The following MBOAT4 variants were observed in gnomAD, a reference collection of about 807,000 sequenced individuals.
MBOAT4 encodes membrane bound ghrelin O-acyltransferase MBOAT4, also known as membrane-bound ghrelin O-acyltransferase MBOAT4.
A neutral mutation model predicts 13.2 loss-of-function variants in MBOAT4; 11 were observed. The ratio of observed to expected loss-of-function variants is 0.84; its 90% CI spans 0.53 to 1.38. MBOAT4 has a LOEUF of 1.38. MBOAT4 is among the 40% of genes most tolerant of loss of function. The pLI, the probability that MBOAT4 is intolerant of heterozygous loss-of-function variation, is 0.00. For synonymous variants in MBOAT4, 202 were observed against 210.3 expected, an observed-to-expected ratio of 0.96 and a Z score of 0.34; for missense variants, 481 against 527.2, an observed-to-expected ratio of 0.91 and a Z score of 0.86.
chr8:30,137,406 C>T (rs890917356), intron 2 of MBOAT4: 35 of 1,551,584 alleles, frequency 2.3e-5, no homozygotes, highest in Non-Finnish European at 2.9e-5. Flanking sequence ...CCACTCAACC[C>T]GTGCTGAGGC....
At chr8:30,143,297 G>A (rs1376279787) in intron 1 of MBOAT4, among the ~76,000 whole-genome samples, 7 of 148,628 alleles carry the variant, frequency 4.7e-5, no homozygotes, top group African/African-American at 1.3e-4. Flanking sequence ...GCAGTGAGCC[G>A]AGATCGTGCC....
At chr8:30,136,177 A>G (rs1407228944) in intron 2 of MBOAT4, among the ~76,000 whole-genome samples, 1 of 152,196 alleles carries the variant, frequency 6.6e-6, no homozygotes, top group East Asian at 1.9e-4. Context: ...TAACCCCAGT[A>G]CCTCAGAATG....
intron 1 of MBOAT4, among the ~76,000 whole-genome samples, chr8:30,140,754 C>T (rs1316333117): frequency 6.6e-6 from 1 of 152,140 alleles, no homozygotes; most frequent in African/African-American, 2.4e-5. Context: ...CCAAAGTTGT[C>T]AGTTGATTAA....
chr8:30,142,146 A>C (rs900625778), intron 1 of MBOAT4, among the ~76,000 whole-genome samples: 1 of 152,244 alleles, frequency 6.6e-6, no homozygotes, highest in African/African-American at 2.4e-5. Context: ...TAGCGATTGC[A>C]TATTTCATTC....
rs1022811738 is a variant in MBOAT4, at chr8:30,138,650, A to C, written c.226T>G (p.Ser76Ala). 1 of 1,551,290 alleles carries C rather than the reference A, an allele frequency of 6.4e-7. No individual in the cohort carries two copies. Among genetic ancestry groups the C allele is most frequent in the African/African-American group, 1.4e-5 (1 of 73,038 alleles). ...CTGTGGACTTGCTGAGGAGCCAGGG[A>C]ACAGAGGAGAGCCACAGCGCAGACA... ...PAVCAVALLC[S>A]LAPQQVHRWT... The change falls in exon 2 of 3, where the codon TCC (serine) becomes GCC (alanine). Residue 76 changes from serine (S) to alanine (A), a missense_variant. Coordinates refer to ENST00000320542, the MANE Select transcript of MBOAT4 (RefSeq NM_001100916.2).
Position 30,132,708 on chromosome 8 carries a change from GCA to G in MBOAT4, c.541_542del (p.Cys181LeufsTer53). On this transcript the variant is annotated frameshift_variant, in exon 3 of 3. Transcript: ENST00000320542. LOFTEE classifies it low-confidence loss of function (END_TRUNC). ...CACGAGCCTGAAATCGCTGGAAGGA[GCA>G]CAGAGAGCCTCCCAGGAGAGCAGGG... ...FFPALLGGSL[C>X]SFQRFQARVQ... 1 of 1,551,770 alleles carries G rather than the reference GCA, an allele frequency of 6.4e-7. No individual in the cohort carries two copies. Among genetic ancestry groups the G allele is most frequent in the Non-Finnish European group, 8.7e-7 (1 of 1,147,024 alleles).
At chr8:30,133,926 C>T (rs1211996111) in intron 2 of MBOAT4, among the ~76,000 whole-genome samples, 1 of 151,802 alleles carries the variant, frequency 6.6e-6, no homozygotes, top group East Asian at 1.9e-4. Flanking sequence ...TGTCTGATAA[C>T]AAAAACTACC....
Position 30,132,714 on chromosome 8 carries a change from A to G in MBOAT4, c.537T>C (p.Ser179=), listed in dbSNP as rs149476365. Residue 179 remains serine (S), a synonymous_variant, in exon 3 of 3, where the codon TCT becomes TCC. Coordinates refer to ENST00000320542, the MANE Select transcript of MBOAT4 (RefSeq NM_001100916.2). ...CCTGAAATCGCTGGAAGGAGCACAG[A>G]GAGCCTCCCAGGAGAGCAGGGAAAA... The part of the protein sequence containing the change: ...LLFFPALLGG[S]LCSFQRFQAR... 20 of 1,551,646 alleles carry G rather than the reference A, an allele frequency of 1.3e-5. No homozygotes were observed. Among genetic ancestry groups the G allele is most frequent in the Non-Finnish European group, 1.7e-5 (20 of 1,147,014 alleles).
In MBOAT4 at chr8:30,138,515, A is replaced by G. The variant is rs1375939814; in HGVS notation, c.344+17T>C. On this transcript the variant is annotated intron_variant, in intron 2 of 2. Transcript: ENST00000320542. ...ACTGTAGGTGGGCTGAGCATGACCA[A>G]CGAACAGGCTGCTTACCTCACAGAA... The G allele has an allele frequency of 2.6e-6, 4 of 1,537,136 alleles. No homozygotes were observed. The highest frequency in any genetic ancestry group is 3.5e-6 in the Non-Finnish European group (4 of 1,135,204).
At chr8:30,138,453 A>T (rs1803194078) in intron 2 of MBOAT4, 79 bp downstream of exon 2, 1 of 1,165,298 alleles carries the variant, frequency 8.6e-7, no homozygotes, top group African/African-American at 1.5e-5. Context: ...CCAACCCAAC[A>T]CCCAGGTTCT....
At chr8:30,136,276 C>T (rs977183547) in intron 2 of MBOAT4, among the ~76,000 whole-genome samples, 1 of 152,140 alleles carries the variant, frequency 6.6e-6, no homozygotes, top group Non-Finnish European at 1.5e-5. Context: ...TGCACAGAGT[C>T]CTTATGAGAA....
rs1170156771 is a variant in MBOAT4 at position 30,132,593 on chromosome 8, C to T, written c.658G>A (p.Val220Met). Residue 220 changes from valine (V) to methionine (M), a missense_variant, in exon 3 of 3, where the codon GTG becomes ATG. Coordinates refer to ENST00000320542, the MANE Select transcript of MBOAT4 (RefSeq NM_001100916.2). ...GCATCCACCACCCTGCTCACTGCCACGTTTAGGCATTCTAGTCCAAGAATC... is the reference window on the plus strand; with the variant it reads ...GCATCCACCACCCTGCTCACTGCCATGTTTAGGCATTCTAGTCCAAGAATC... ...LQILGLECLN[V>M]AVSRVVDAGA... 7.7e-6 allele frequency: 12 copies of T among 1,551,662 alleles called. No individual in the cohort carries two copies. The highest frequency in any genetic ancestry group is 1.7e-4 in the Middle Eastern group (1 of 6,014).
rs1226417323 is a variant in MBOAT4 at position 30,132,544 on chromosome 8, T to C, written c.707A>G (p.Gln236Arg). Residue 236 changes from glutamine (Q) to arginine (R), a missense_variant, in exon 3 of 3, where the codon CAG (glutamine) becomes CGG (arginine). Physicochemically the swap from Gln to Arg is conservative, Grantham distance 43 (BLOSUM62 1). Coordinates refer to ENST00000320542, the MANE Select transcript of MBOAT4 (RefSeq NM_001100916.2). ...VDAGAGLTDCQQFECIYVVWT... is the reference protein window; with the variant it reads ...VDAGAGLTDCRQFECIYVVWT... Reference sequence around the variant, plus strand: ...CACGACATAGATGCACTCGAATTGCTGGCAATCAGTCAGTCCCGCTCCTGC... The same window carrying C: ...CACGACATAGATGCACTCGAATTGCCGGCAATCAGTCAGTCCCGCTCCTGC... 11 of 1,551,754 alleles carry C rather than the reference T, an allele frequency of 7.1e-6. No homozygotes were observed. Among genetic ancestry groups the C allele is most frequent in the Non-Finnish European group, 9.6e-6 (11 of 1,147,000 alleles).
rs1294666165 is a variant in MBOAT4 at position 30,132,310 on chromosome 8, A to T, written c.941T>A (p.Leu314His). ...RKWNQSTARW[L>H]RRLVFQHSRA... is the part of the protein sequence containing the mutation. ...GCTGTGCTGGAATACAAGCCGTCGGAGCCATCGAGCTGTGCTTTGGTTCCA... is the reference window on the plus strand; with the variant it reads ...GCTGTGCTGGAATACAAGCCGTCGGTGCCATCGAGCTGTGCTTTGGTTCCA... The change falls in exon 3 of 3, where the codon CTC becomes CAC. Residue 314 changes from leucine to histidine, a missense_variant. Transcript: ENST00000320542. The T allele has an allele frequency of 1.3e-6, 2 of 1,551,634 alleles. No homozygotes were observed. Among genetic ancestry groups the T allele is most frequent in the Non-Finnish European group, 1.7e-6 (2 of 1,147,014 alleles).
chr8:30,136,033 A>G (rs1221184783), intron 2 of MBOAT4, among the ~76,000 whole-genome samples: 4 of 152,118 alleles, frequency 2.6e-5, no homozygotes, highest in Non-Finnish European at 5.9e-5. Flanking sequence ...GTGTCTGAAG[A>G]TTTAAGAAAA....
intron 2 of MBOAT4, chr8:30,137,176 G>A: frequency 1.0e-6 from 1 of 964,094 alleles, no homozygotes; most frequent in Non-Finnish European, 1.6e-6. Flanking sequence ...GAGATCTCCA[G>A]ATCACAAAGC....
In MBOAT4 at chr8:30,134,138, T is replaced by C. The variant is rs542011097; in HGVS notation, c.345-1232A>G. On this transcript the variant is annotated intron_variant, in intron 2 of 2. Coordinates refer to ENST00000320542, the MANE Select transcript of MBOAT4 (RefSeq NM_001100916.2). The stretch of plus-strand genomic sequence containing the variant: ...TATTTTTCTCTTAAAAAACTTTCTC[T>C]TACCAGCTGGGTGTGGTGGCTCACG... Among the ~76,000 whole-genome samples, 11 of 152,254 alleles carry C rather than the reference T, an allele frequency of 7.2e-5. No homozygotes were observed. In the South Asian group the frequency reaches 2.3e-3, roughly 32 times the overall value.
intron 2 of MBOAT4, among the ~76,000 whole-genome samples, chr8:30,136,588 C>T (rs1803144983): frequency 6.6e-6 from 1 of 152,210 alleles, no homozygotes; most frequent in Non-Finnish European, 1.5e-5. Flanking sequence ...TCTCCCAGCC[C>T]CATCAGGCCC....
intron 1 of MBOAT4, among the ~76,000 whole-genome samples, chr8:30,141,486 A>C (rs1164939417): frequency 1.3e-5 from 2 of 151,944 alleles, no homozygotes; most frequent in Non-Finnish European, 2.9e-5. Flanking sequence ...AATACAAAAA[A>C]AATTAGTAGG....
Sources: allele counts gnomAD v4.1 joint callset (sites outside exome capture counted in the v4.1 genomes callset), GRCh38; gene constraint gnomAD v4.1.1; transcripts MANE v1.5; gene names NCBI Gene and HGNC (gene_info 2026-07-23, HGNC 2026-07-21).